BECN1: variants seen among roughly 807,000 people sequenced by gnomAD.
The protein encoded by BECN1 is beclin 1, also known as beclin-1.
In BECN1, 15 loss-of-function variants were observed where a neutral mutation model predicts 60.1. That is an observed-to-expected ratio of 0.25 (90% CI 0.17 to 0.38). The LOEUF (loss-of-function observed/expected upper bound fraction) is 0.38, where lower values mean the gene tolerates loss of function less well. Among genes scored for constraint, BECN1 ranks in the 10% least tolerant of loss-of-function variants. The probability of loss-of-function intolerance (pLI) is 1.00; values close to 1 mark genes in which losing one functional copy is unlikely to be tolerated. For missense variants in BECN1, 424 were observed against 548.2 expected (o/e 0.77, Z 2.26); for synonymous variants, 179 against 201.8 (o/e 0.89, Z 0.96).
intron 8 of BECN1, 120 bp from the exon 9 acceptor site, chr17:42,814,793 A>C: frequency 7.9e-7 from 1 of 1,273,172 alleles, no homozygotes; most frequent in Non-Finnish European, 1.1e-6. Context: ...TGCAAGCTGT[A>C]CTTGGCACTT....
intron 7 of BECN1, 128 bp from the exon 8 acceptor site, chr17:42,816,182 T>G: frequency 9.8e-7 from 1 of 1,019,902 alleles, no homozygotes; most frequent in Non-Finnish European, 1.4e-6. Flanking sequence ...ATATTTGGCA[T>G]AGATCCCATT....
At chr17:42,813,806 A>T in intron 10 of BECN1, 142 bp downstream of exon 10, 1 of 591,050 alleles carries the variant, frequency 1.7e-6, no homozygotes, top group Non-Finnish European at 2.9e-6. Context: ...AACCTGAACT[A>T]GACAAGATAT....
Position 42,818,663 on chromosome 17 carries a change from A to G in BECN1, c.369T>C (p.Phe123=). 3 of 1,614,196 alleles carry G rather than the reference A, an allele frequency of 1.9e-6. No homozygotes were observed. The highest frequency in any genetic ancestry group is 2.5e-6 in the Non-Finnish European group (3 of 1,180,030). ...CATCTGTCTGGCCCGACATGATGTC[A>G]AAAAGGTCCCCAGTGACCTGGAAGT... ...SRRLKVTGDL[F]DIMSGQTDVD... is the part of the protein sequence containing the mutation. Residue 123 remains phenylalanine, a synonymous_variant, in exon 6 of 12, where the codon TTT becomes TTC. Coordinates refer to ENST00000590099, the MANE Select transcript of BECN1 (RefSeq NM_001313998.2).
chr17:42,815,640 G>A, intron 8 of BECN1: 1 of 499,174 alleles, frequency 2.0e-6, no homozygotes, highest in South Asian at 2.7e-5. Flanking sequence ...CAAACACCGT[G>A]GGGATAAGAA....
In BECN1 at chr17:42,818,355, C is replaced by T; in HGVS notation, c.549G>A (p.Glu183=). 1 of 1,614,224 alleles carries T rather than the reference C, an allele frequency of 6.2e-7. No individual in the cohort carries two copies. The highest frequency in any genetic ancestry group is 8.5e-7 in the Non-Finnish European group (1 of 1,180,040). ...CCTCCTCTAGTGCCAGCTCCTTTAG[C>T]TCCATCTGTAACTGTTCACTGTCAT... The part of the protein sequence containing the change: ...NEDDSEQLQM[E]LKELALEEER... Residue 183 remains glutamate (E), a synonymous_variant, in exon 7 of 12, where the codon GAG becomes GAA. Transcript: ENST00000590099.
chr17:42,819,745 G>C (rs1828310270), intron 3 of BECN1, 136 bp from the exon 4 acceptor site: 1 of 841,852 alleles, frequency 1.2e-6, no homozygotes, highest in African/African-American at 1.7e-5. Flanking sequence ...TAAAAAATGG[G>C]TATTATCGAA....
intron 11 of BECN1, 114 bp from the exon 12 acceptor site, chr17:42,811,042 G>A: frequency 9.0e-7 from 1 of 1,106,010 alleles, no homozygotes; most frequent in Non-Finnish European, 1.2e-6. Flanking sequence ...AAGAACACTT[G>A]GTGAGGAATG....
At position 42,823,886 on chromosome 17, in the gene BECN1, C is replaced by T; in HGVS notation, c.-2-7G>A. 1.9e-6 allele frequency: 3 copies of T among 1,612,250 alleles called. No homozygotes were observed. The highest frequency in any genetic ancestry group is 2.5e-6 in the Non-Finnish European group (3 of 1,178,642). On this transcript the variant is annotated splice_region_variant and splice_polypyrimidine_tract_variant and intron_variant, in intron 1 of 11. Coordinates refer to ENST00000590099, the MANE Select transcript of BECN1 (RefSeq NM_001313998.2). ...GTCTTAGACCCTTCCATCCCTGAGG[C>T]CGTGGAAAAGAGGCAACATTAGGGA...
chr17:42,816,410 G>C (rs1414020083), intron 7 of BECN1, among the ~76,000 whole-genome samples: 2 of 152,158 alleles, frequency 1.3e-5, no homozygotes, highest in African/African-American at 4.8e-5. Flanking sequence ...CCAGCACTTT[G>C]GGAGGCCAAG....
In BECN1 at chr17:42,819,540, G is replaced by A. The variant is rs1215106793; in HGVS notation, c.260+8C>T. 6.2e-7 allele frequency: 1 copy of A among 1,613,462 alleles called. No individual in the cohort carries two copies. Among genetic ancestry groups the A allele is most frequent in the African/African-American group, 1.3e-5 (1 of 75,012 alleles). The stretch of plus-strand genomic sequence containing the variant: ...GGCAAGGAATGGGGGCTGAGAAGTA[G>A]TAGGCACCTGGCTGGGGGGATGAAT... On this transcript the variant is annotated splice_region_variant and intron_variant, in intron 4 of 11. Coordinates refer to ENST00000590099, the MANE Select transcript of BECN1 (RefSeq NM_001313998.2).
chr17:42,822,848 T>C (rs941066072), intron 2 of BECN1, among the ~76,000 whole-genome samples: 12 of 136,674 alleles, frequency 8.8e-5, no homozygotes, highest in Non-Finnish European at 1.2e-4. Flanking sequence ...CACCCAGCAA[T>C]TTTTTTTTTT....
At chr17:42,811,565 T>C in intron 11 of BECN1, 90 bp downstream of exon 11, 2 of 1,515,150 alleles carry the variant, frequency 1.3e-6, no homozygotes, top group Non-Finnish European at 1.8e-6. Flanking sequence ...TTTCCCACCA[T>C]TTATACTGTT....
intron 2 of BECN1, among the ~76,000 whole-genome samples, chr17:42,823,278 G>A (rs149153825): frequency 1.3e-5 from 2 of 151,776 alleles, no homozygotes; most frequent in South Asian, 4.2e-4. Flanking sequence ...TTTTTGAGAC[G>A]GAGCCTCGCT....
intron 6 of BECN1, 32 bp from the exon 7 acceptor site, chr17:42,818,447 A>G: frequency 6.2e-7 from 1 of 1,611,864 alleles, no homozygotes. Context: ...TATACTTACT[A>G]GAGCTCCATT....
intron 4 of BECN1, 106 bp from the exon 5 acceptor site, chr17:42,818,983 C>T: frequency 7.8e-7 from 1 of 1,281,752 alleles, no homozygotes; most frequent in Non-Finnish European, 1.1e-6. Flanking sequence ...TGAGGGGCCT[C>T]AAGGAACATA....
chr17:42,813,976 T>C lies in BECN1; in HGVS notation c.1013A>G (p.Tyr338Cys), dbSNP rs370094164. Residue 338 changes from tyrosine (Y) to cysteine (C), a missense_variant, in exon 10 of 12, where the codon TAT becomes TGT. Coordinates refer to ENST00000590099, the MANE Select transcript of BECN1 (RefSeq NM_001313998.2). ...YRLVPYGNHS[Y>C]LESLTDKSKE... ...AGATTTGTCTGTCAGAGACTCCAGA[T>C]ATGAATGGTTTCCGTAAGGAACAAG... The C allele has an allele frequency of 1.2e-6, 2 of 1,606,590 alleles. No homozygotes were observed. Among genetic ancestry groups the C allele is most frequent in the African/African-American group, 1.3e-5 (1 of 74,736 alleles).
At chr17:42,814,980 G>A in intron 8 of BECN1, 1 of 372,632 alleles carries the variant, frequency 2.7e-6, no homozygotes, top group Non-Finnish European at 5.0e-6. Flanking sequence ...CAAATTCAAT[G>A]CTACTATTCT....
chr17:42,816,725 C>T (rs1306183789), intron 7 of BECN1, among the ~76,000 whole-genome samples: 1 of 151,452 alleles, frequency 6.6e-6, no homozygotes, highest in Non-Finnish European at 1.5e-5. Context: ...AATCCCAGCA[C>T]TTTGGGAGGC....
chr17:42,823,604 G>A (rs1464043000), intron 2 of BECN1, 144 bp downstream of exon 2: 2 of 1,222,284 alleles, frequency 1.6e-6, no homozygotes, highest in African/African-American at 3.1e-5. Context: ...TTTCCAAGGA[G>A]AAAACAGGGA....
Sources: gnomAD v4.1 joint callset for allele counts (sites outside exome capture counted in the v4.1 genomes callset) on GRCh38, gnomAD v4.1.1 for gene constraint, MANE v1.5 for transcripts, NCBI Gene and HGNC (gene_info 2026-07-23, HGNC 2026-07-21) for gene names.